Variants in RBM6 observed in about 807,000 individuals in gnomAD.
RBM6 encodes the protein RNA-binding protein 6.
RBM6 carries 23 observed loss-of-function variants against 140.4 expected under a neutral mutation model. The ratio of observed to expected loss-of-function variants is 0.16; its 90% CI spans 0.12 to 0.23. The LOEUF is 0.23. RBM6 is among the 10% of genes least tolerant of loss of function. RBM6 has a pLI of 1.00. For missense variants in RBM6, 1,139 were observed against 1,386.7 expected (o/e 0.82, Z 2.84); for synonymous variants, 439 against 475.6 (o/e 0.92, Z 1.00).
At chr3:49,983,131 C>T (rs1478196043) in intron 5 of RBM6, among the ~76,000 whole-genome samples, 8 of 152,194 alleles carry the variant, frequency 5.3e-5, no homozygotes, top group African/African-American at 1.7e-4. Flanking sequence ...AAGTGTAAGA[C>T]ACTGAGGCCA....
intron 6 of RBM6, among the ~76,000 whole-genome samples, chr3:50,027,432 G>A (rs2087903890): frequency 6.6e-6 from 1 of 152,098 alleles, no homozygotes; most frequent in Non-Finnish European, 1.5e-5. Flanking sequence ...TATCACCACT[G>A]ATACCAGAAC....
intron 5 of RBM6, among the ~76,000 whole-genome samples, chr3:49,976,262 A>G (rs1007844851): frequency 2.6e-5 from 4 of 152,194 alleles, no homozygotes; most frequent in Non-Finnish European, 5.9e-5. Context: ...GCAGTTTATC[A>G]TGGGATAAAA....
intron 5 of RBM6, 80 bp downstream of exon 5, chr3:49,975,472 T>A: frequency 8.1e-7 from 1 of 1,239,268 alleles, no homozygotes; most frequent in Non-Finnish European, 1.2e-6. Flanking sequence ...ACTTAAAATT[T>A]GTTTCAAGAA....
At chr3:49,942,083 A>G (rs1334497862) in intron 1 of RBM6, among the ~76,000 whole-genome samples, 1 of 147,374 alleles carries the variant, frequency 6.8e-6, no homozygotes, top group Non-Finnish European at 1.5e-5. Flanking sequence ...CCTGGGCCAC[A>G]GAACAAGACT....
rs61492386 is a variant in RBM6 at position 50,003,308 on chromosome 3, T to TA, written c.1557+3819dup. On this transcript the variant is annotated intron_variant, in intron 6 of 20. Transcript: ENST00000266022. ...TAAATAGTGAGACCCTGTCTAAATT[T>TA]AAAAAAAAAAAAAAAAAAAAAAAAG... 4.1e-3 allele frequency among the ~76,000 whole-genome samples: 459 copies of TA among 112,758 alleles called. 4 individuals are homozygous for TA. The highest frequency in any genetic ancestry group is 6.6e-3 in the Non-Finnish European group (369 of 56,328). 74.0% of individuals were successfully genotyped at this position (112,758 alleles called of 152,430 possible).
intron 6 of RBM6, among the ~76,000 whole-genome samples, chr3:50,015,290 C>G (rs1376813936): frequency 6.8e-6 from 1 of 146,196 alleles, no homozygotes; most frequent in Non-Finnish European, 1.5e-5. Flanking sequence ...GTATTTTTAG[C>G]AGAGGCGGGG....
intron 6 of RBM6, among the ~76,000 whole-genome samples, chr3:50,018,517 T>TA (rs1476309590): frequency 6.6e-6 from 1 of 150,936 alleles, no homozygotes; most frequent in Non-Finnish European, 1.5e-5. Context: ...TGTACGGACA[T>TA]ACGTTTTCAA....
rs879316657 is a variant in RBM6, at chr3:49,984,649, TCGCA to T, written c.1483+9258_1483+9261del. ...TCGCATCGCATCGCATCGCATCGCATCGCATCGCATCGCATTGCATCACATCACA... is the reference window on the plus strand; with the variant it reads ...TCGCATCGCATCGCATCGCATCGCATTCGCATCGCATTGCATCACATCACA... On this transcript the variant is annotated intron_variant, in intron 5 of 20. Coordinates refer to ENST00000266022, the MANE Select transcript of RBM6 (RefSeq NM_005777.3). 7.3e-3 allele frequency among the ~76,000 whole-genome samples: 1,073 copies of T among 147,062 alleles called. 8 individuals are homozygous for T. The highest frequency in any genetic ancestry group is 0.012 in the South Asian group (59 of 4,764).
At chr3:50,002,459 A>G (rs529598240) in intron 6 of RBM6, among the ~76,000 whole-genome samples, 24 of 151,856 alleles carry the variant, frequency 1.6e-4, no homozygotes, top group Non-Finnish European at 3.4e-4. Flanking sequence ...ATGGGGTTTC[A>G]CCATGTTTGC....
chr3:49,965,965 A>C (rs1453078163), intron 2 of RBM6, among the ~76,000 whole-genome samples: 2 of 151,858 alleles, frequency 1.3e-5, no homozygotes, highest in African/African-American at 4.8e-5. Flanking sequence ...ATCTCTGCTA[A>C]AAATAAAAAA....
At chr3:50,021,740 C>CTTTTTTTTTTTTTTTTTTTGTTTTTTTT (rs2087493536) in intron 6 of RBM6, among the ~76,000 whole-genome samples, 1 of 42,732 alleles carries the variant, frequency 2.3e-5, no homozygotes, top group African/African-American at 8.9e-5. Context: ...AATTTAAGTG[C>CTTTTTTTTTTTTTTTTTTTGTTTTTTTT]TTTTTTTTTT....
chr3:50,006,933 A>G (rs2086609131), intron 6 of RBM6, among the ~76,000 whole-genome samples: 1 of 146,304 alleles, frequency 6.8e-6, no homozygotes, highest in Non-Finnish European at 1.5e-5. Flanking sequence ...CTCCATCTCA[A>G]AAAAAAAAAA....
At chr3:49,942,062 C>T (rs1011181230) in intron 1 of RBM6, among the ~76,000 whole-genome samples, 4 of 149,122 alleles carry the variant, frequency 2.7e-5, no homozygotes, top group African/African-American at 1.0e-4. Context: ...GATAGTGCCA[C>T]TGCACTCCAA....
chr3:50,062,070 A>G lies in RBM6; in HGVS notation c.2548A>G (p.Arg850Gly). The G allele has an allele frequency of 6.2e-7, 1 of 1,614,034 alleles. No homozygotes were observed. The highest frequency in any genetic ancestry group is 8.5e-7 in the Non-Finnish European group (1 of 1,179,960). ...AAGTAGCAAGAAGGAAATGTCTAAA[A>G]GAGATGGCAAGGAGAAAAAAGACAG... ...KSSSKKEMSK[R>G]DGKEKKDRGV... Residue 850 changes from arginine (R) to glycine (G), a missense_variant, in exon 15 of 21, where the codon AGA (arginine) becomes GGA (glycine). Physicochemically the swap from Arg to Gly is moderately radical, Grantham distance 125 (BLOSUM62 -2). Coordinates refer to ENST00000266022, the MANE Select transcript of RBM6 (RefSeq NM_005777.3).
chr3:49,999,769 GA>G (rs11293132), intron 6 of RBM6, among the ~76,000 whole-genome samples: 75,485 of 144,956 alleles, frequency 0.52, 20,373 homozygotes, highest in African/African-American at 0.68. Flanking sequence ...ACAATAGTTG[GA>G]AAAAAAAAAA....
At chr3:50,014,862 A>G (rs774036718) in intron 6 of RBM6, among the ~76,000 whole-genome samples, 1 of 151,978 alleles carries the variant, frequency 6.6e-6, no homozygotes, top group African/African-American at 2.4e-5. Flanking sequence ...GTGCTAGGTA[A>G]TATGTGTTCA....
At chr3:50,008,684 G>T (rs1399001150) in intron 6 of RBM6, among the ~76,000 whole-genome samples, 3 of 150,990 alleles carry the variant, frequency 2.0e-5, no homozygotes, top group Non-Finnish European at 4.4e-5. Context: ...CTCCCGAGTA[G>T]CTGGGATTAC....
intron 19 of RBM6, among the ~76,000 whole-genome samples, chr3:50,073,045 A>G (rs1424741135): frequency 6.6e-6 from 1 of 152,126 alleles, no homozygotes; most frequent in African/African-American, 2.4e-5. Context: ...TAAGGTACCC[A>G]TGGCCTCAAC....
chr3:50,062,275 C>A (rs2089969814), intron 15 of RBM6, among the ~76,000 whole-genome samples, 167 bp downstream of exon 15: 1 of 152,096 alleles, frequency 6.6e-6, no homozygotes, highest in Non-Finnish European at 1.5e-5. Flanking sequence ...GAGGCCAAGG[C>A]GGGCGGATCA....
Sources: gnomAD v4.1 joint callset for allele counts (sites outside exome capture counted in the v4.1 genomes callset) on GRCh38, gnomAD v4.1.1 for gene constraint, MANE v1.5 for transcripts, NCBI Gene and HGNC (gene_info 2026-07-23, HGNC 2026-07-21) for gene names.